LCLAT1: variants seen among roughly 807,000 people sequenced by gnomAD.
LCLAT1 encodes the protein 1-AGP acyltransferase 8.
Under a neutral mutation model 30.7 loss-of-function variants are expected in LCLAT1, and 11 were observed. The ratio of observed to expected loss-of-function variants is 0.36; its 90% confidence interval spans 0.23 to 0.59. LCLAT1 has a LOEUF of 0.59. LCLAT1 is among the 20% of genes least tolerant of loss of function. The probability of loss-of-function intolerance (pLI) is 0.77; values close to 1 mark genes in which losing one functional copy is unlikely to be tolerated. For missense variants in LCLAT1, 402 were observed against 458.6 expected (o/e 0.88, Z 1.13); for synonymous variants, 155 against 151.3 (o/e 1.02, Z -0.18).
At chr2:30,562,973 A>G (rs148445038) in intron 4 of LCLAT1, among the ~76,000 whole-genome samples, 3 of 152,340 alleles carry the variant, frequency 2.0e-5, no homozygotes, top group African/African-American at 7.2e-5. Flanking sequence ...CCCTTCTTCA[A>G]GAAAACTCAG....
chr2:30,522,974 TA>T (rs1267480041), intron 1 of LCLAT1, among the ~76,000 whole-genome samples: 4 of 152,186 alleles, frequency 2.6e-5, no homozygotes, highest in African/African-American at 4.8e-5. Context: ...ATAGCTAATT[TA>T]TTTTTTTTCT....
intron 5 of LCLAT1, among the ~76,000 whole-genome samples, chr2:30,573,547 G>A (rs1217011440): frequency 6.6e-6 from 1 of 152,048 alleles, no homozygotes; most frequent in East Asian, 1.9e-4. Context: ...TGTACCATTT[G>A]TTCTAGCCTT....
At chr2:30,601,684 A>G (rs1225629875) in intron 5 of LCLAT1, among the ~76,000 whole-genome samples, 4 of 152,076 alleles carry the variant, frequency 2.6e-5, no homozygotes, top group Admixed American at 2.0e-4. Context: ...ACTTTAAAAC[A>G]ATATGTTTTA....
At chr2:30,486,410 G>A (rs1683557393) in intron 1 of LCLAT1, among the ~76,000 whole-genome samples, 1 of 152,036 alleles carries the variant, frequency 6.6e-6, no homozygotes. Context: ...CATATATTGG[G>A]GATTGGTTTT....
intron 5 of LCLAT1, among the ~76,000 whole-genome samples, chr2:30,605,249 T>C (rs2148496700): frequency 6.6e-6 from 1 of 152,362 alleles, no homozygotes; most frequent in East Asian, 1.9e-4. Context: ...CTAATTTAAA[T>C]TCAATCATAA....
chr2:30,640,072 A>G (rs2148540094), intron 5 of LCLAT1, 45 bp from the exon 6 acceptor site: 2 of 1,501,078 alleles, frequency 1.3e-6, no homozygotes, highest in South Asian at 2.5e-5. Flanking sequence ...TTATCACCCA[A>G]ATTGAGCACT....
chr2:30,459,471 TC>T, intron 1 of LCLAT1: 1 of 696,954 alleles, frequency 1.4e-6, no homozygotes, highest in South Asian at 1.7e-5. Context: ...ATCTGTTTAC[TC>T]CATGAACCAT....
In LCLAT1 at chr2:30,641,633, T is replaced by G. The variant is rs1669310484; in HGVS notation, c.*1014T>G. The stretch of plus-strand genomic sequence containing the variant: ...GTTTATCCTAAATTACTCAACCCCT[T>G]GTAGCCTTGACAAATTTTACCTTAA... On this transcript the variant is annotated 3_prime_UTR_variant, in exon 6 of 6. Transcript: ENST00000379509. The G allele has an allele frequency of 1.3e-5, 2 of 152,348 alleles. No homozygotes were observed. Among genetic ancestry groups the G allele is most frequent in the Non-Finnish European group, 2.9e-5 (2 of 68,028 alleles). The allele number at this position is 152,348 out of a possible 1,614,324, so 9.4% of individuals were successfully genotyped here.
intron 3 of LCLAT1, among the ~76,000 whole-genome samples, chr2:30,537,459 G>C (rs1663838056): frequency 6.7e-6 from 1 of 150,082 alleles, no homozygotes; most frequent in Non-Finnish European, 1.5e-5. Context: ...TGACAAAGAA[G>C]GCAATTATTA....
intron 1 of LCLAT1, among the ~76,000 whole-genome samples, chr2:30,455,289 AT>A (rs1301424528): frequency 6.6e-6 from 1 of 152,136 alleles, no homozygotes; most frequent in Non-Finnish European, 1.5e-5. Context: ...TTGCATACAT[AT>A]TTACTTGGAG....
chr2:30,452,604 G>T (rs1681613125), intron 1 of LCLAT1, among the ~76,000 whole-genome samples: 1 of 152,108 alleles, frequency 6.6e-6, no homozygotes, highest in Non-Finnish European at 1.5e-5. Context: ...GAACATAATA[G>T]ATTTTTTTGT....
intron 3 of LCLAT1, among the ~76,000 whole-genome samples, chr2:30,533,780 A>T (rs945028793): frequency 4.6e-5 from 7 of 152,112 alleles, no homozygotes; most frequent in African/African-American, 7.2e-5. Context: ...AACTTTTTTT[A>T]AAAAATGTTT....
At chr2:30,479,497 T>C (rs937926407) in intron 1 of LCLAT1, among the ~76,000 whole-genome samples, 4 of 152,200 alleles carry the variant, frequency 2.6e-5, no homozygotes, top group African/African-American at 9.6e-5. Context: ...TCCCTCTGCC[T>C]CAGCCTCGCA....
chr2:30,569,743 A>C (rs1030397265), intron 5 of LCLAT1, among the ~76,000 whole-genome samples: 1 of 152,244 alleles, frequency 6.6e-6, no homozygotes, highest in Non-Finnish European at 1.5e-5. Context: ...TTCACAATCA[A>C]TTCAAAATCA....
At chr2:30,526,483 A>T (rs1195569021) in intron 2 of LCLAT1, among the ~76,000 whole-genome samples, 8 of 151,886 alleles carry the variant, frequency 5.3e-5, no homozygotes. Context: ...TGGTTCTGTT[A>T]CTTTCTTGAG....
Position 30,592,925 on chromosome 2 carries a change from CATTT to C in LCLAT1, c.628+24753_628+24756del, listed in dbSNP as rs550552506. 1.2e-4 allele frequency among the ~76,000 whole-genome samples: 18 copies of C among 152,268 alleles called. No homozygotes were observed. In the South Asian group the frequency reaches 3.1e-3, roughly 26 times the overall value. ...AACATTTATCTTTTCACATTAGAAA[CATTT>C]ATTAATAATTCTTGCCTTCTAGCTA... On this transcript the variant is annotated intron_variant, in intron 5 of 5. Coordinates refer to ENST00000379509, the MANE Select transcript of LCLAT1 (RefSeq NM_001002257.3).
At chr2:30,466,784 A>G (rs902927318) in intron 1 of LCLAT1, among the ~76,000 whole-genome samples, 1 of 152,170 alleles carries the variant, frequency 6.6e-6, no homozygotes, top group East Asian at 1.9e-4. Context: ...ACATCAGCAT[A>G]TGGGAACTAC....
At chr2:30,580,645 A>T (rs1666174134) in intron 5 of LCLAT1, among the ~76,000 whole-genome samples, 1 of 152,136 alleles carries the variant, frequency 6.6e-6, no homozygotes, top group Non-Finnish European at 1.5e-5. Context: ...TGCTGAGAAG[A>T]TTATGTAGAA....
At chr2:30,635,346 C>T (rs1286818525) in intron 5 of LCLAT1, among the ~76,000 whole-genome samples, 1 of 151,872 alleles carries the variant, frequency 6.6e-6, no homozygotes, top group Admixed American at 6.6e-5. Context: ...GGAGTTAACA[C>T]ATTTTCGAGT....
Sources: allele counts gnomAD v4.1 joint callset (sites outside exome capture counted in the v4.1 genomes callset), GRCh38; gene constraint gnomAD v4.1.1; transcripts MANE v1.5; gene names NCBI Gene and HGNC (gene_info 2026-07-23, HGNC 2026-07-21).